RTL9: variants seen among roughly 807,000 people sequenced by gnomAD.
RTL9 encodes the protein retrotransposon Gag like 9.
A neutral mutation model predicts 44.7 loss-of-function variants in RTL9; 19 were observed. The observed-to-expected ratio is 0.42, with a 90% confidence interval of 0.30 to 0.62. The LOEUF (loss-of-function observed/expected upper bound fraction) is 0.62. Ranked by LOEUF, RTL9 falls within the 20% of genes least tolerant of loss-of-function variation. The probability of loss-of-function intolerance (pLI) is 0.16; values close to 1 mark genes in which losing one functional copy is unlikely to be tolerated. For missense variants in RTL9, 1,105 were observed against 1,080.6 expected (o/e 1.02, Z -0.32); for synonymous variants, 407 against 398.9 (o/e 1.02, Z -0.24).
intron 1 of RTL9, among the ~76,000 whole-genome samples, chrX:110,362,273 A>G (rs1341886715): frequency 1.8e-5 from 2 of 111,713 alleles, no homozygotes; most frequent in Admixed American, 9.6e-5. Flanking sequence ...TAAGCTTGTT[A>G]TATAAAGTAA....
intron 1 of RTL9, among the ~76,000 whole-genome samples, chrX:110,381,708 G>A (rs2068420763): frequency 1.8e-5 from 2 of 111,187 alleles, no homozygotes; most frequent in African/African-American, 6.6e-5. Context: ...TAAAGAAAAT[G>A]TACACGTACA....
Position 110,368,979 on chromosome X carries a change from C to T in RTL9, c.-168+10063C>T, listed in dbSNP as rs763043400. On this transcript the variant is annotated intron_variant, in intron 1 of 2. Coordinates refer to the RTL9 transcript ENST00000520821. ...AGTTTAGTCTTTACATGAGGACTTC[C>T]AGGAAGTTCCATAGATTCTTAAGCA... 6.3e-5 allele frequency among the ~76,000 whole-genome samples: 7 copies of T among 111,752 alleles called. No individual in the cohort carries two copies. The East Asian group carries it at 2.0e-3, about 31-fold the overall frequency.
chrX:110,399,499 T>A (rs2068550160), intron 1 of RTL9, among the ~76,000 whole-genome samples: 2 of 112,418 alleles, frequency 1.8e-5, no homozygotes, highest in Admixed American at 9.4e-5. Flanking sequence ...AAAATCATTT[T>A]TGTTCTTACT....
chrX:110,451,489 C>G (rs1308265529), exon 1 of RTL9: 6 of 1,211,999 alleles, frequency 5.0e-6, no homozygotes, highest in Non-Finnish European at 5.6e-6. Context: ...ACCCAAAACT[C>G]TGGGGGAATA....
At chrX:110,409,326 TTA>T (rs2068625140) in intron 1 of RTL9, among the ~76,000 whole-genome samples, 1 of 111,390 alleles carries the variant, frequency 9.0e-6, no homozygotes, top group Admixed American at 9.5e-5. Flanking sequence ...TACAGTCCTC[TTA>T]TCTTGAGACA....
chrX:110,453,335 C>T lies in RTL9; in HGVS notation c.2718C>T (p.Ala906=), dbSNP rs1356084314. ...CCTCACCACTAGTAAGAGCTCCAGC[C>T]TCTGGAACTATGTCCACACCACTAA... The change falls in exon 1 of 2, where the codon GCC becomes GCT. Residue 906 remains alanine, a synonymous_variant. Coordinates refer to ENST00000540313, the Ensembl canonical transcript of RTL9. The T allele has an allele frequency of 3.3e-6, 4 of 1,211,848 alleles. No individual in the cohort carries two copies. In the East Asian group the frequency reaches 8.9e-5, roughly 27 times the overall value.
upstream of RTL9, among the ~76,000 whole-genome samples, chrX:110,414,336 TG>T (rs2148313120): frequency 8.9e-6 from 1 of 112,505 alleles, no homozygotes; most frequent in East Asian, 2.8e-4. Flanking sequence ...GGAGTCAGAC[TG>T]TCTGGGTTAG....
At chrX:110,365,545 A>G in intron 1 of RTL9, among the ~76,000 whole-genome samples, 1 of 110,886 alleles carries the variant, frequency 9.0e-6, no homozygotes, top group East Asian at 2.8e-4. Context: ...GACAATTTAC[A>G]TAATAACTTT....
exon 2 of RTL9, chrX:110,455,656 C>A: frequency 6.8e-6 from 1 of 146,209 alleles, no homozygotes; most frequent in Non-Finnish European, 1.4e-5. Context: ...AAACCCTTAG[C>A]GTATCTTGCC....
chrX:110,372,846 G>T (rs1354133799), intron 1 of RTL9, among the ~76,000 whole-genome samples: 1 of 111,519 alleles, frequency 9.0e-6, no homozygotes, highest in African/African-American at 3.3e-5. Flanking sequence ...ATGGGACCAG[G>T]TATATTCCTT....
At position 110,431,756 on chromosome X, in the gene RTL9, G is replaced by T. The variant is rs185858812; in HGVS notation, c.-168+12621G>T. Among the ~76,000 whole-genome samples the T allele has an allele frequency of 3.1e-3, 343 of 111,858 alleles. 1 individual carries two copies. Among genetic ancestry groups the T allele is most frequent in the Non-Finnish European group, 4.2e-3 (221 of 53,146 alleles). On this transcript the variant is annotated intron_variant, in intron 1 of 3. Coordinates refer to the RTL9 transcript ENST00000465301. Reference sequence around the variant, plus strand: ...TTTCTCATACGCCCTTGACAGACCAGGACTCACTGCTAGAAAACCCCTGGG... The same window carrying T: ...TTTCTCATACGCCCTTGACAGACCATGACTCACTGCTAGAAAACCCCTGGG...
exon 1 of RTL9, chrX:110,452,866 C>T: frequency 8.3e-7 from 1 of 1,211,506 alleles, no homozygotes; most frequent in Non-Finnish European, 1.1e-6. Flanking sequence ...AATTCCCCAA[C>T]CTCTGATGTG....
At chrX:110,422,845 C>A (rs773142771) in intron 1 of RTL9, among the ~76,000 whole-genome samples, 1 of 112,116 alleles carries the variant, frequency 8.9e-6, no homozygotes, top group South Asian at 3.7e-4. Flanking sequence ...GTTGCCTTGG[C>A]GAACAGCCAA....
intron 1 of RTL9, among the ~76,000 whole-genome samples, chrX:110,363,577 G>A (rs2068278264): frequency 8.9e-6 from 1 of 111,872 alleles, no homozygotes; most frequent in Non-Finnish European, 1.9e-5. Context: ...ATTGTGACAT[G>A]TACAAACAAG....
At chrX:110,364,081 G>T (rs1196777446) in intron 1 of RTL9, among the ~76,000 whole-genome samples, 1 of 111,249 alleles carries the variant, frequency 9.0e-6, no homozygotes, top group Non-Finnish European at 1.9e-5. Flanking sequence ...TGTTGGCAGG[G>T]CCATGCTCCC....
At chrX:110,423,566 C>T (rs1348993621) in intron 1 of RTL9, among the ~76,000 whole-genome samples, 1 of 111,839 alleles carries the variant, frequency 8.9e-6, no homozygotes, top group African/African-American at 3.3e-5. Flanking sequence ...CACTTTAACT[C>T]AGTTTTTCTG....
exon 1 of RTL9, chrX:110,451,731 A>G (rs1186678994): frequency 8.3e-7 from 1 of 1,209,689 alleles, no homozygotes; most frequent in African/African-American, 1.8e-5. Flanking sequence ...CTCTGGGGCG[A>G]TGTCCCCATG....
intron 1 of RTL9, among the ~76,000 whole-genome samples, chrX:110,395,688 G>A (rs1013151758): frequency 1.8e-5 from 2 of 111,045 alleles, no homozygotes; most frequent in Admixed American, 9.5e-5. Flanking sequence ...CGTGTTTGAA[G>A]GGGAGAGACA....
chrX:110,454,539 G>A (rs1179246820), exon 1 of RTL9: 1 of 1,211,874 alleles, frequency 8.3e-7, no homozygotes, highest in Non-Finnish European at 1.1e-6. Context: ...TCTGTACACC[G>A]AGTGCCAGCT....
Sources: allele counts gnomAD v4.1 joint callset (sites outside exome capture counted in the v4.1 genomes callset), GRCh38; gene constraint gnomAD v4.1.1; transcripts MANE v1.5; gene names NCBI Gene and HGNC (gene_info 2026-07-23, HGNC 2026-07-21).